The following CLASP2 variants were observed in gnomAD, a reference collection of about 807,000 sequenced individuals.
The protein encoded by CLASP2 is cytoplasmic linker associated protein 2.
CLASP2 carries 47 observed loss-of-function variants against 194.4 expected under a neutral mutation model. That is an observed-to-expected ratio of 0.24 (90% CI 0.19 to 0.31). The LOEUF (loss-of-function observed/expected upper bound fraction) is 0.31, where lower values mean the gene tolerates loss of function less well. CLASP2 is among the 10% of genes least tolerant of loss of function. The probability of loss-of-function intolerance (pLI) is 1.00; values close to 1 mark genes in which losing one functional copy is unlikely to be tolerated. For missense variants in CLASP2, 1,445 were observed against 1,823.6 expected (o/e 0.79, Z 3.78); for synonymous variants, 619 against 633.5 (o/e 0.98, Z 0.34).
intron 28 of CLASP2, among the ~76,000 whole-genome samples, chr3:33,560,103 C>G (rs767772403): frequency 2.0e-5 from 3 of 152,144 alleles, no homozygotes; most frequent in Non-Finnish European, 4.4e-5. Context: ...AGAAATATAT[C>G]ATTGGTTCAA....
chr3:33,659,655 CG>C (rs1280161252), intron 7 of CLASP2: 1 of 153,408 alleles, frequency 6.5e-6, no homozygotes, highest in Non-Finnish European at 1.4e-5. Context: ...CTGCTCTGTG[CG>C]CGGACAGCAG....
chr3:33,564,321 T>C (rs543766038), intron 27 of CLASP2, among the ~76,000 whole-genome samples: 1 of 152,292 alleles, frequency 6.6e-6, no homozygotes, highest in East Asian at 1.9e-4. Flanking sequence ...CTAGCCAAGA[T>C]TAACTTCTTT....
intron 11 of CLASP2, among the ~76,000 whole-genome samples, chr3:33,621,613 G>A (rs1212868537): frequency 6.6e-6 from 1 of 151,938 alleles, no homozygotes; most frequent in East Asian, 1.9e-4. Flanking sequence ...ATTGCTAGTA[G>A]GCACTTTTTG....
intron 15 of CLASP2, 81 bp from the exon 16 acceptor site, chr3:33,606,839 A>T: frequency 4.9e-6 from 5 of 1,030,782 alleles, no homozygotes. Flanking sequence ...TTCAAGAAGG[A>T]TGAAGATAAG....
chr3:33,589,642 C>T (rs1404607099), intron 21 of CLASP2, among the ~76,000 whole-genome samples: 1 of 152,080 alleles, frequency 6.6e-6, no homozygotes, highest in Non-Finnish European at 1.5e-5. Flanking sequence ...ATCTTAAAGT[C>T]CTATTTGGTC....
At chr3:33,624,913 A>T (rs975550544) in intron 10 of CLASP2, among the ~76,000 whole-genome samples, 17 of 152,050 alleles carry the variant, frequency 1.1e-4, no homozygotes, top group Non-Finnish European at 2.4e-4. Flanking sequence ...AATGGCAAAA[A>T]TTTTTTAAAA....
rs918131610 is a variant in CLASP2, at chr3:33,522,349, G to C, written c.3788-5175C>G. Among the ~76,000 whole-genome samples the C allele has an allele frequency of 1.4e-3, 184 of 130,650 alleles. 1 individual carries two copies. Among genetic ancestry groups the C allele is most frequent in the Non-Finnish European group, 4.7e-4 (28 of 59,890 alleles). The allele number at this position is 130,650 out of a possible 152,430, so 85.7% of individuals were successfully genotyped here. Reference sequence around the variant, plus strand: ...GATCTGAGAAGACTTTATACCTCAGGCTGAGGCTGATCTTTGGCATAGAGA... The same window carrying C: ...GATCTGAGAAGACTTTATACCTCAGCCTGAGGCTGATCTTTGGCATAGAGA... On this transcript the variant is annotated intron_variant, in intron 34 of 38. Transcript: ENST00000682230.
intron 29 of CLASP2, among the ~76,000 whole-genome samples, chr3:33,553,078 AG>A (rs2060310045): frequency 6.6e-6 from 1 of 152,210 alleles, no homozygotes. Context: ...TCAAATTTTA[AG>A]GTAATATGTT....
chr3:33,615,763 T>G (rs2076043255), intron 12 of CLASP2, among the ~76,000 whole-genome samples: 1 of 151,786 alleles, frequency 6.6e-6, no homozygotes, highest in Non-Finnish European at 1.5e-5. Context: ...ACAACCAAAT[T>G]CCCTGATCAG....
At chr3:33,551,879 C>A (rs561349584) in intron 29 of CLASP2, among the ~76,000 whole-genome samples, 2 of 151,808 alleles carry the variant, frequency 1.3e-5, no homozygotes, top group South Asian at 4.2e-4. Context: ...GGAAAATGAA[C>A]CAAAGTGCTT....
Position 33,581,291 on chromosome 3 carries a change from T to G in CLASP2, c.2347+530A>C, listed in dbSNP as rs1049113803. 3.9e-5 allele frequency among the ~76,000 whole-genome samples: 6 copies of G among 152,154 alleles called. 1 individual carries two copies. The highest frequency in any genetic ancestry group is 6.5e-5 in the Admixed American group (1 of 15,284). ...TGGGGACAAACAAGTTTTACCGCAG[T>G]GACAAGAGCATTAGCTCATAGGAAA... is the stretch of plus-strand genomic sequence containing the variant. On this transcript the variant is annotated intron_variant, in intron 23 of 38. Coordinates refer to ENST00000682230, the MANE Select transcript of CLASP2 (RefSeq NM_001365631.1).
chr3:33,600,843 T>C (rs1419525281), intron 18 of CLASP2, among the ~76,000 whole-genome samples: 1 of 152,108 alleles, frequency 6.6e-6, no homozygotes, highest in Non-Finnish European at 1.5e-5. Flanking sequence ...TATGTAAACA[T>C]TGAATTACTG....
chr3:33,711,397 C>A (rs1360125187), intron 1 of CLASP2, among the ~76,000 whole-genome samples: 1 of 151,690 alleles, frequency 6.6e-6, no homozygotes, highest in Admixed American at 6.6e-5. Context: ...AGGCATGCAC[C>A]ACCATACCTG....
At chr3:33,573,497 G>T in intron 24 of CLASP2, 143 bp from the exon 25 acceptor site, 1 of 873,264 alleles carries the variant, frequency 1.1e-6, no homozygotes, top group Non-Finnish European at 1.8e-6. Context: ...CAGAATGTCA[G>T]TATTTAGTTT....
At chr3:33,511,462 A>G (rs2049777920) in intron 36 of CLASP2, among the ~76,000 whole-genome samples, 1 of 152,190 alleles carries the variant, frequency 6.6e-6, no homozygotes, top group Non-Finnish European at 1.5e-5. Flanking sequence ...GCTCATTATT[A>G]GTACTCTCAT....
chr3:33,572,079 T>C (rs1351213524), intron 25 of CLASP2, among the ~76,000 whole-genome samples: 2 of 152,234 alleles, frequency 1.3e-5, no homozygotes, highest in East Asian at 1.9e-4. Context: ...TTGCTACTGA[T>C]AGGATAAAAT....
intron 18 of CLASP2, among the ~76,000 whole-genome samples, chr3:33,597,678 A>C (rs529434383): frequency 6.6e-6 from 1 of 151,938 alleles, no homozygotes; most frequent in Non-Finnish European, 1.5e-5. Context: ...CTGGCCCCCC[A>C]GCGTGAGTCT....
chr3:33,501,350 T>C (rs1208967058), intron 38 of CLASP2, among the ~76,000 whole-genome samples: 2 of 152,136 alleles, frequency 1.3e-5, no homozygotes, highest in Non-Finnish European at 2.9e-5. Flanking sequence ...GGGGTAAAGA[T>C]TTGGGTCTGG....
Position 33,535,320 on chromosome 3 carries a change from A to G in CLASP2, c.3700T>C (p.Tyr1234His). Residue 1234 changes from tyrosine (Y) to histidine (H), a missense_variant, in exon 34 of 39, where the codon TAT (tyrosine) becomes CAT (histidine). Physicochemically the swap from Tyr to His is moderately conservative, Grantham distance 83 (BLOSUM62 2). Coordinates refer to ENST00000682230, the MANE Select transcript of CLASP2 (RefSeq NM_001365631.1). ...SSPRSRDYNP[Y>H]NYSDSISPFN... ...GGACTGATGCTATCTGAATAGTTAT[A>G]TGGATTATAGTCTCGAGAGCGTGGA... 6.2e-7 allele frequency: 1 copy of G among 1,613,962 alleles called. No individual in the cohort carries two copies. Among genetic ancestry groups the G allele is most frequent in the East Asian group, 2.2e-5 (1 of 44,886 alleles).
Sources: allele counts gnomAD v4.1 joint callset (sites outside exome capture counted in the v4.1 genomes callset), GRCh38; gene constraint gnomAD v4.1.1; transcripts MANE v1.5; gene names NCBI Gene and HGNC (gene_info 2026-07-23, HGNC 2026-07-21).